The following GRM5 variants were observed in gnomAD, a reference collection of about 807,000 sequenced individuals.
GRM5 encodes glutamate metabotropic receptor 5.
In GRM5, 19 loss-of-function variants were observed where a neutral mutation model predicts 83.1. The observed-to-expected ratio is 0.23, with a 90% CI of 0.16 to 0.34. The LOEUF is 0.34. GRM5 is among the 10% of genes least tolerant of loss of function. The pLI, the probability that GRM5 is intolerant of heterozygous loss-of-function variation, is 1.00. For missense variants in GRM5, 1,160 were observed against 1,588.3 expected, an observed-to-expected ratio of 0.73 and a Z score of 4.58; for synonymous variants, 675 against 633.6, an observed-to-expected ratio of 1.07 and a Z score of -0.98.
At chr11:88,866,057 G>C (rs183842197) in intron 2 of GRM5, among the ~76,000 whole-genome samples, 1,959 of 152,208 alleles carry the variant, frequency 0.013, 42 homozygotes, top group East Asian at 0.07. Context: ...CCATTACTGA[G>C]TATATACCCA....
At chr11:88,785,246 C>A (rs1442183584) in intron 3 of GRM5, among the ~76,000 whole-genome samples, 1 of 152,010 alleles carries the variant, frequency 6.6e-6, no homozygotes, top group Non-Finnish European at 1.5e-5. Flanking sequence ...TAGTGGCCTT[C>A]AAATAAATAG....
intron 3 of GRM5, among the ~76,000 whole-genome samples, chr11:88,753,058 A>G (rs988787872): frequency 6.6e-6 from 1 of 152,212 alleles, no homozygotes; most frequent in Non-Finnish European, 1.5e-5. Context: ...CAAATATTTC[A>G]TGATGAAATC....
intron 2 of GRM5, among the ~76,000 whole-genome samples, chr11:88,951,378 G>C (rs975294993): frequency 3.9e-5 from 6 of 152,196 alleles, no homozygotes; most frequent in Admixed American, 2.6e-4. Context: ...AGTTAAAGGG[G>C]AAGAACTTTC....
intron 2 of GRM5, among the ~76,000 whole-genome samples, chr11:89,003,559 C>A (rs1280396333): frequency 6.6e-6 from 1 of 152,048 alleles, no homozygotes; most frequent in African/African-American, 2.4e-5. Flanking sequence ...CTAAGAATAA[C>A]AATGAACCAA....
chr11:89,033,650 G>C (rs1941316318), intron 2 of GRM5, among the ~76,000 whole-genome samples: 2 of 151,730 alleles, frequency 1.3e-5, no homozygotes, highest in South Asian at 4.2e-4. Flanking sequence ...TGTATTGATA[G>C]ATTGAAGGTA....
At chr11:88,539,941 T>C (rs1165968783) in intron 8 of GRM5, among the ~76,000 whole-genome samples, 1 of 152,240 alleles carries the variant, frequency 6.6e-6, no homozygotes, top group African/African-American at 2.4e-5. Flanking sequence ...ACTACTAGTT[T>C]AGTAACTGTC....
At chr11:88,948,906 G>A (rs1471371897) in intron 2 of GRM5, among the ~76,000 whole-genome samples, 1 of 152,198 alleles carries the variant, frequency 6.6e-6, no homozygotes, top group Non-Finnish European at 1.5e-5. Flanking sequence ...GAGCAGAAAT[G>A]AAGAGCAATT....
At chr11:88,563,898 C>T (rs308874) in intron 8 of GRM5, among the ~76,000 whole-genome samples, 26,330 of 152,036 alleles carry the variant, frequency 0.17, 3,099 homozygotes, top group African/African-American at 0.34. Context: ...AATAAATATG[C>T]TAAACATCAC....
intron 3 of GRM5, among the ~76,000 whole-genome samples, chr11:88,732,951 C>T (rs1565206102): frequency 6.6e-6 from 1 of 151,980 alleles, no homozygotes; most frequent in African/African-American, 2.4e-5. Context: ...GCAATGATTT[C>T]TTCAGTGCAT....
chr11:88,971,750 T>C (rs534815), intron 2 of GRM5, among the ~76,000 whole-genome samples: 66,365 of 151,944 alleles, frequency 0.44, 16,029 homozygotes, highest in South Asian at 0.65. Context: ...ATTTTTTTTA[T>C]CTGACTCTCT....
intron 7 of GRM5, among the ~76,000 whole-genome samples, chr11:88,579,201 C>G (rs901765505): frequency 1.3e-5 from 2 of 152,052 alleles, no homozygotes; most frequent in African/African-American, 4.8e-5. Flanking sequence ...CACAAACTTC[C>G]TATTCTGATA....
intron 7 of GRM5, among the ~76,000 whole-genome samples, chr11:88,570,571 A>ATATATATATATATATACATATT (rs1405339448): frequency 4.3e-5 from 2 of 46,376 alleles, no homozygotes; most frequent in Non-Finnish European, 7.0e-5. Flanking sequence ...ATATATATAT[A>ATATATATATATATATACATATT]TTTTTTTTTT....
intron 2 of GRM5, among the ~76,000 whole-genome samples, chr11:89,011,724 A>G (rs1025745483): frequency 6.6e-6 from 1 of 152,222 alleles, no homozygotes; most frequent in African/African-American, 2.4e-5. Flanking sequence ...CTTGACCATT[A>G]AATGAATTGA....
chr11:89,007,209 C>G (rs996566708), intron 2 of GRM5, among the ~76,000 whole-genome samples: 2 of 152,200 alleles, frequency 1.3e-5, no homozygotes, highest in African/African-American at 4.8e-5. Context: ...TTTTAGCACA[C>G]AACAAAGACA....
intron 1 of GRM5, among the ~76,000 whole-genome samples, chr11:89,051,199 T>C (rs925276144): frequency 6.6e-6 from 1 of 151,282 alleles, no homozygotes; most frequent in African/African-American, 2.4e-5. Context: ...GGGCTTGCAG[T>C]GAGTGGAGAT....
At chr11:88,524,857 T>C (rs1591323029) in intron 9 of GRM5, among the ~76,000 whole-genome samples, 1 of 152,210 alleles carries the variant, frequency 6.6e-6, no homozygotes, top group East Asian at 1.9e-4. Flanking sequence ...GTATATTAAT[T>C]TCCAGGCTTG....
chr11:88,914,013 T>C (rs958556078), intron 2 of GRM5, among the ~76,000 whole-genome samples: 3 of 152,186 alleles, frequency 2.0e-5, no homozygotes, highest in African/African-American at 7.2e-5. Context: ...ATTCCTTTCG[T>C]AGAACCATCT....
At chr11:88,701,505 G>C (rs772883556) in intron 3 of GRM5, among the ~76,000 whole-genome samples, 2 of 152,162 alleles carry the variant, frequency 1.3e-5, no homozygotes, top group Non-Finnish European at 2.9e-5. Context: ...GTCAGCTTCA[G>C]AGGTGGGGCC....
chr11:88,998,778 A>G (rs1051249511), intron 2 of GRM5, among the ~76,000 whole-genome samples: 4 of 152,226 alleles, frequency 2.6e-5, no homozygotes, highest in African/African-American at 4.8e-5. Context: ...GTATTTTTAT[A>G]TACTAGCAAT....
Sources: allele counts gnomAD v4.1 joint callset (sites outside exome capture counted in the v4.1 genomes callset), GRCh38; gene constraint gnomAD v4.1.1; transcripts MANE v1.5; gene names NCBI Gene and HGNC (gene_info 2026-07-23, HGNC 2026-07-21).